Variants in CCDC88A observed in about 807,000 individuals in gnomAD.
CCDC88A encodes the protein girdin.
In CCDC88A, 54 loss-of-function variants were observed where a neutral mutation model predicts 234.3. The ratio of observed to expected loss-of-function variants is 0.23; its 90% CI spans 0.19 to 0.29. The LOEUF is 0.29. CCDC88A is among the 10% of genes least tolerant of loss of function. CCDC88A has a pLI of 1.00. For missense variants in CCDC88A, 1,832 were observed against 2,123.4 expected (o/e 0.86, Z 2.70); for synonymous variants, 753 against 737.8 (o/e 1.02, Z -0.33).
intron 3 of CCDC88A, among the ~76,000 whole-genome samples, chr2:55,382,464 C>T (rs1486928146): frequency 2.0e-5 from 3 of 152,190 alleles, no homozygotes; most frequent in African/African-American, 7.2e-5. Context: ...ATTCAAACTG[C>T]GGCCAATATA....
At chr2:55,395,642 C>T (rs1355007398) in intron 2 of CCDC88A, among the ~76,000 whole-genome samples, 4 of 152,158 alleles carry the variant, frequency 2.6e-5, no homozygotes, top group Non-Finnish European at 4.4e-5. Flanking sequence ...TGCTTTCTAT[C>T]GAAAGTTACG....
Position 55,295,936 on chromosome 2 carries a change from T to C in CCDC88A, c.5212A>G (p.Lys1738Glu). 1 of 1,614,128 alleles carries C rather than the reference T, an allele frequency of 6.2e-7. No individual in the cohort carries two copies. The highest frequency in any genetic ancestry group is 1.3e-5 in the African/African-American group (1 of 75,016). Residue 1738 changes from lysine to glutamate, a missense_variant, in exon 31 of 33, where the codon AAA becomes GAA. Transcript: ENST00000436346. Reference sequence around the variant, plus strand: ...CTATCATAGAAGTCCCCTGGGGTTTTTCCACTTACTGACCTGGCCAGACCA... The same window carrying C: ...CTATCATAGAAGTCCCCTGGGGTTTCTCCACTTACTGACCTGGCCAGACCA... Reference protein sequence around the residue: ...SCGLARSVSGKTPGDFYDRRT... With the variant: ...SCGLARSVSGETPGDFYDRRT...
chr2:55,316,537 G>A (rs1683002390), intron 21 of CCDC88A, among the ~76,000 whole-genome samples: 1 of 152,126 alleles, frequency 6.6e-6, no homozygotes, highest in African/African-American at 2.4e-5. Context: ...GGGATCACAG[G>A]AGACCCTATT....
At chr2:55,298,873 CAAA>C (rs70949101) in intron 29 of CCDC88A, among the ~76,000 whole-genome samples, 1,674 of 95,348 alleles carry the variant, frequency 0.018, 23 homozygotes, top group African/African-American at 0.043. Flanking sequence ...GAACCCGTCT[CAAA>C]AAAAAAAAAA....
At chr2:55,391,678 G>A (rs1008092833) in intron 2 of CCDC88A, among the ~76,000 whole-genome samples, 12 of 152,140 alleles carry the variant, frequency 7.9e-5, no homozygotes, top group Non-Finnish European at 1.2e-4. Flanking sequence ...TATAGCAAAC[G>A]ATTAGTGAAC....
At chr2:55,322,304 T>C (rs192394130) in intron 18 of CCDC88A, among the ~76,000 whole-genome samples, 23 of 152,308 alleles carry the variant, frequency 1.5e-4, no homozygotes, top group Non-Finnish European at 1.5e-4. Context: ...ACATATGATA[T>C]GCTACCCAAA....
rs773225412 is a variant in CCDC88A, at chr2:55,335,156, T to C, written c.1665A>G (p.Ile555Met). Residue 555 changes from isoleucine to methionine, a missense_variant, in exon 15 of 33, where the codon ATA becomes ATG. This residue lies in a region of CCDC88A where 1,282 missense variants were observed against 1,543.6 expected (regional missense o/e 0.83). Coordinates refer to ENST00000436346, the MANE Select transcript of CCDC88A (RefSeq NM_001365480.1). The surrounding 1 kb of genome is among the most constrained non-coding windows in gnomAD (Gnocchi z 4.5). ...LRENSERQIK[I>M]LEQENEHLNQ... ...TCAGATGTTCATTTTCCTGTTCCAG[T>C]ATCTTAATCTAATTTGAAAAGAAAA... The C allele has an allele frequency of 6.8e-6, 10 of 1,474,672 alleles. No individual in the cohort carries two copies. The East Asian group carries it at 2.2e-4, about 32-fold the overall frequency. The allele number at this position is 1,474,672 out of a possible 1,614,324, so 91.3% of individuals were successfully genotyped here.
intron 3 of CCDC88A, among the ~76,000 whole-genome samples, chr2:55,377,841 C>G (rs918403099): frequency 2.0e-5 from 3 of 151,540 alleles, no homozygotes; most frequent in African/African-American, 7.3e-5. Context: ...CTCCTGACAT[C>G]GTGATCCGCC....
chr2:55,386,036 C>T (rs1014563249), intron 3 of CCDC88A, among the ~76,000 whole-genome samples: 2 of 149,908 alleles, frequency 1.3e-5, no homozygotes, highest in African/African-American at 4.9e-5. Context: ...CCAGCCTGAC[C>T]AATATGATGA....
intron 9 of CCDC88A, among the ~76,000 whole-genome samples, chr2:55,347,565 C>T (rs1669306505): frequency 6.9e-6 from 1 of 144,484 alleles, no homozygotes; most frequent in Non-Finnish European, 1.5e-5. Flanking sequence ...TGGAAAATAA[C>T]GGTTATTTCA....
At position 55,419,003 on chromosome 2, in the gene CCDC88A, G is replaced by T. The variant is rs1277511981; in HGVS notation, c.63+14C>A. On this transcript the variant is annotated intron_variant, in intron 1 of 32. Transcript: ENST00000436346. ...TAACTCAGCAAAATATACAATAAAG[G>T]ACACCCCACTTACCCAAGTGACCAA... 2 of 1,609,204 alleles carry T rather than the reference G, an allele frequency of 1.2e-6. No individual in the cohort carries two copies. Among genetic ancestry groups the T allele is most frequent in the African/African-American group, 2.7e-5 (2 of 74,722 alleles).
chr2:55,414,837 A>C (rs1385662129), intron 2 of CCDC88A, among the ~76,000 whole-genome samples: 1 of 152,078 alleles, frequency 6.6e-6, no homozygotes, highest in African/African-American at 2.4e-5. Context: ...AGGCTGAGGC[A>C]GGCGGATCAC....
intron 3 of CCDC88A, chr2:55,388,450 A>T (rs78653600): frequency 0.037 from 315 of 8,500 alleles, no homozygotes; most frequent in Middle Eastern, 0.1. Flanking sequence ...TTTTTTTTTT[A>T]AAAAAAATGG....
rs572083546 is a variant in CCDC88A, at chr2:55,410,771, T to C, written c.164+8045A>G. On this transcript the variant is annotated intron_variant, in intron 2 of 32. Coordinates refer to ENST00000436346, the MANE Select transcript of CCDC88A (RefSeq NM_001365480.1). ...AAGAAAAATTAGCTGGGCATGGTAG[T>C]AGTCCTAGCTACTCAGGAGGCTGAG... Among the ~76,000 whole-genome samples, 61 of 152,118 alleles carry C rather than the reference T, an allele frequency of 4.0e-4. 1 individual carries two copies. The highest frequency in any genetic ancestry group is 3.6e-3 in the Admixed American group (55 of 15,274).
chr2:55,380,961 T>C lies in CCDC88A; in HGVS notation c.274-6078A>G, dbSNP rs551446756. The stretch of plus-strand genomic sequence containing the variant: ...CATCTAAAACCCCTTTTTATTGATA[T>C]ATAGGCATGTACCGTGTAATGACAT... On this transcript the variant is annotated intron_variant, in intron 3 of 32. Coordinates refer to ENST00000436346, the MANE Select transcript of CCDC88A (RefSeq NM_001365480.1). 3.9e-5 allele frequency among the ~76,000 whole-genome samples: 6 copies of C among 152,326 alleles called. No individual in the cohort carries two copies. The East Asian group carries it at 1.2e-3, about 29-fold the overall frequency.
chr2:55,380,892 A>G (rs989442608), intron 3 of CCDC88A, among the ~76,000 whole-genome samples: 3 of 152,212 alleles, frequency 2.0e-5, no homozygotes, highest in African/African-American at 7.2e-5. Flanking sequence ...CTGGGATTAC[A>G]GGCATGAGCC....
At chr2:55,401,465 T>TATATATATACAC (rs1678647502) in intron 2 of CCDC88A, among the ~76,000 whole-genome samples, 4 of 32,210 alleles carry the variant, frequency 1.2e-4, no homozygotes, top group African/African-American at 6.3e-4. Context: ...TATATATATA[T>TATATATATACAC]ACATATGTGT....
In CCDC88A at chr2:55,334,205, T is replaced by C. The variant is rs1435540784; in HGVS notation, c.2616A>G (p.Glu872=). The change falls in exon 15 of 33, where the codon GAA becomes GAG. Residue 872 remains glutamate (E), a synonymous_variant. Coordinates refer to ENST00000436346, the MANE Select transcript of CCDC88A (RefSeq NM_001365480.1). This position sits in a 1 kb window ranked among gnomAD's most constrained non-coding sequence, Gnocchi z 6.1. ...CACAAGATTCTTTATATATACCAAT[T>C]TCTTTGGATAGGGTTTTGTTTTCTT... is the stretch of plus-strand genomic sequence containing the variant. ...LEKENKTLSK[E]IGIYKESCVR... The C allele has an allele frequency of 2.7e-5, 38 of 1,433,844 alleles. No individual in the cohort carries two copies. Among genetic ancestry groups the C allele is most frequent in the Non-Finnish European group, 3.3e-5 (36 of 1,094,840 alleles). The allele number at this position is 1,433,844 out of a possible 1,614,324, so 88.8% of individuals were successfully genotyped here.
chr2:55,334,243 C>T lies in CCDC88A; in HGVS notation c.2578G>A (p.Gly860Arg). Reference protein sequence around the residue: ...TTLEENNVKIGNLEKENKTLS... With the variant: ...TTLEENNVKIRNLEKENKTLS... ...GTTTTGTTTTCTTTTTCCAAATTTC[C>T]AATCTTCACATTATTTTCTTCTAAT... Residue 860 changes from glycine (G) to arginine (R), a missense_variant, in exon 15 of 33, where the codon GGA becomes AGA. Transcript: ENST00000436346. This position sits in a 1 kb window ranked among gnomAD's most constrained non-coding sequence, Gnocchi z 6.1. 1 of 1,435,084 alleles carries T rather than the reference C, an allele frequency of 7.0e-7. No individual in the cohort carries two copies. Among genetic ancestry groups the T allele is most frequent in the Non-Finnish European group, 9.1e-7 (1 of 1,096,990 alleles). 88.9% of individuals were successfully genotyped at this position (1,435,084 alleles called of 1,614,324 possible).
Sources: gnomAD v4.1 joint callset for allele counts (sites outside exome capture counted in the v4.1 genomes callset) on GRCh38, gnomAD v4.1.1 for gene constraint, gnomAD v4.1.1 regional missense constraint, Gnocchi (gnomAD v3.1) non-coding constraint, MANE v1.5 for transcripts, NCBI Gene and HGNC (gene_info 2026-07-23, HGNC 2026-07-21) for gene names.